The following NFRKB variants were observed in gnomAD, a reference collection of about 807,000 sequenced individuals.
NFRKB encodes nuclear factor related to kappa-B-binding protein.
In NFRKB, 62 loss-of-function variants were observed where a neutral mutation model predicts 135.7. The observed-to-expected ratio is 0.46, with a 90% CI of 0.37 to 0.56. The LOEUF is 0.56. Ranked by LOEUF, NFRKB falls within the 20% of genes least tolerant of loss-of-function variation. The probability of loss-of-function intolerance (pLI) is 0.00; values close to 1 mark genes in which losing one functional copy is unlikely to be tolerated. For synonymous variants in NFRKB, 678 were observed against 635.6 expected (o/e 1.07, Z -1.00); for missense variants, 1,545 against 1,662.0 (o/e 0.93, Z 1.22).
intron 15 of NFRKB, among the ~76,000 whole-genome samples, 153 bp downstream of exon 15, chr11:129,878,156 G>T (rs148861914): frequency 4.0e-3 from 612 of 152,294 alleles, no homozygotes; most frequent in Non-Finnish European, 5.6e-3. Flanking sequence ...CGTTCACTCA[G>T]GGGGTGCGGC....
rs1271444206 is a variant in NFRKB at position 129,894,426 on chromosome 11, C to G, written c.-89G>C. The G allele has an allele frequency of 6.6e-6, 1 of 152,164 alleles. No homozygotes were observed. Among genetic ancestry groups the G allele is most frequent in the Non-Finnish European group, 1.5e-5 (1 of 68,008 alleles). 9.4% of individuals were successfully genotyped at this position (152,164 alleles called of 1,614,324 possible). A position where few individuals can be genotyped will look rare whatever the true frequency, so the allele number is the denominator to read the frequency against. Reference sequence around the variant, plus strand: ...ACCAGGTCCTCCCTCCCGTTATTTCCAATTCTGGAATCCTGCAATGAATAA... The same window carrying G: ...ACCAGGTCCTCCCTCCCGTTATTTCGAATTCTGGAATCCTGCAATGAATAA... On this transcript the variant is annotated 5_prime_UTR_variant, in exon 2 of 27. Transcript: ENST00000682444.
At chr11:129,885,996 T>C (rs61913692) in intron 5 of NFRKB, among the ~76,000 whole-genome samples, 3,008 of 152,334 alleles carry the variant, frequency 0.02, 51 homozygotes, top group Non-Finnish European at 0.031. Flanking sequence ...CCATGCACAC[T>C]TTCATATCCA....
In NFRKB at chr11:129,881,496, C is replaced by T. The variant is rs1466848482; in HGVS notation, c.1331G>A (p.Ser444Asn). 1.2e-6 allele frequency: 2 copies of T among 1,614,122 alleles called. No homozygotes were observed. The highest frequency in any genetic ancestry group is 1.3e-5 in the African/African-American group (1 of 75,016). ...TTTGAATTCAACAAATGGAGAGAAA[C>T]TGGAAGGAACAGCTGCAAGAAATGG... ...LAGESRAVPS[S>N]FSPFVEFKEK... The change falls in exon 13 of 27, where the codon AGT (serine) becomes AAT (asparagine). Residue 444 changes from serine to asparagine, a missense_variant. Around this residue, in one of 3 missense-constraint regions of NFRKB, gnomAD observed 678 missense variants for 646.7 expected, o/e 1.05. Coordinates refer to ENST00000682444, the MANE Select transcript of NFRKB (RefSeq NM_001143835.2).
rs756411242 is a variant in NFRKB at position 129,869,719 on chromosome 11, G to C, written c.3306C>G (p.Gly1102=). The C allele has an allele frequency of 6.2e-7, 1 of 1,614,238 alleles. No individual in the cohort carries two copies. The highest frequency in any genetic ancestry group is 2.2e-5 in the East Asian group (1 of 44,884). The change falls in exon 24 of 27, where the codon GGC becomes GGG. Residue 1102 remains glycine (G), a synonymous_variant. Coordinates refer to ENST00000682444, the MANE Select transcript of NFRKB (RefSeq NM_001143835.2). ...QGLGVMPPKA[G]QTITVATHAK... Reference sequence around the variant, plus strand: ...CGTGGGTTGCAACGGTGATGGTCTGGCCTGCTTTGGGAGGCATCACTCCCA... The same window carrying C: ...CGTGGGTTGCAACGGTGATGGTCTGCCCTGCTTTGGGAGGCATCACTCCCA...
Position 129,874,263 on chromosome 11 carries a change from A to G in NFRKB, c.2129T>C (p.Leu710Pro). ...GGTGGGTGGCATACTGGAGTCACTG[A>G]GGCTCATCTGGCTCTGCTCAGAAGG... is the stretch of plus-strand genomic sequence containing the variant. ...SGPSEQSQMS[L>P]SDSSMPPTPV... Residue 710 changes from leucine (L) to proline (P), a missense_variant, in exon 21 of 27, where the codon CTC becomes CCC. Around this residue, in one of 3 missense-constraint regions of NFRKB, gnomAD observed 753 missense variants for 804.3 expected, o/e 0.94. Transcript: ENST00000682444. This position sits in a 1 kb window ranked among gnomAD's most constrained non-coding sequence, Gnocchi z 4.5. The G allele has an allele frequency of 1.3e-6, 2 of 1,517,194 alleles. No homozygotes were observed. The highest frequency in any genetic ancestry group is 1.8e-6 in the Non-Finnish European group (2 of 1,135,038). 94.0% of individuals were successfully genotyped at this position (1,517,194 alleles called of 1,614,324 possible).
At position 129,881,869 on chromosome 11, in the gene NFRKB, G is replaced by C. The variant is rs115941609; in HGVS notation, c.1192-16C>G. ...GCTCCTCTAGCTGAGGGAAAGCAAA[G>C]GCAGAACCCAGTCAGACTTCTCTTC... On this transcript the variant is annotated splice_polypyrimidine_tract_variant and intron_variant, in intron 11 of 26. Transcript: ENST00000682444. The C allele has an allele frequency of 6.3e-7, 1 of 1,582,818 alleles. No homozygotes were observed. The highest frequency in any genetic ancestry group is 8.6e-7 in the Non-Finnish European group (1 of 1,166,626).
chr11:129,888,122 G>A (rs963764033), intron 4 of NFRKB, among the ~76,000 whole-genome samples: 5 of 152,282 alleles, frequency 3.3e-5, no homozygotes, highest in Admixed American at 1.3e-4. Context: ...GTAACAGGGC[G>A]GTGATGATAT....
Position 129,875,362 on chromosome 11 carries a change from T to G in NFRKB, c.1849A>C (p.Thr617Pro), listed in dbSNP as rs1302687537. The G allele has an allele frequency of 6.2e-7, 1 of 1,610,538 alleles. No individual in the cohort carries two copies. Among genetic ancestry groups the G allele is most frequent in the Non-Finnish European group, 8.5e-7 (1 of 1,177,954 alleles). Reference protein sequence around the residue: ...SQFLAPDVTSTQVNTVVSGAL... With the variant: ...SQFLAPDVTSPQVNTVVSGAL... ...TAATCTCTTCTCCGTCCTACCTGAG[T>G]GCTGGTGACATCTGGTGCAAGAAAC... Residue 617 changes from threonine to proline, a missense_variant, in exon 18 of 27, where the codon ACT (threonine) becomes CCT (proline). Physicochemically the swap from Thr to Pro is conservative, Grantham distance 38. This residue lies in a region of NFRKB where 114 missense variants were observed against 211.0 expected (regional missense o/e 0.54). Coordinates refer to ENST00000682444, the MANE Select transcript of NFRKB (RefSeq NM_001143835.2).
chr11:129,882,220 A>G (rs1416283039), intron 10 of NFRKB, 26 bp from the exon 11 acceptor site: 1 of 1,568,854 alleles, frequency 6.4e-7, no homozygotes, highest in African/African-American at 1.4e-5. Flanking sequence ...AAATATAAGA[A>G]CCAAAAAGAC....
In NFRKB at chr11:129,874,061, T is replaced by G; in HGVS notation, c.2280-46A>C. On this transcript the variant is annotated intron_variant, in intron 21 of 26. Transcript: ENST00000682444. The surrounding 1 kb of genome is among the most constrained non-coding windows in gnomAD (Gnocchi z 4.5). ...AGACAAAAAACAAAAACTTAGGACA[T>G]GCATACAAAAGAACTCTAGAACGAA... is the stretch of plus-strand genomic sequence containing the variant. 1 of 1,597,444 alleles carries G rather than the reference T, an allele frequency of 6.3e-7. No homozygotes were observed. The highest frequency in any genetic ancestry group is 8.6e-7 in the Non-Finnish European group (1 of 1,168,720).
In NFRKB at chr11:129,864,953, C is replaced by T. The variant is rs1352740856; in HGVS notation, c.3774+13G>A. On this transcript the variant is annotated intron_variant, in intron 26 of 26. Coordinates refer to ENST00000682444, the MANE Select transcript of NFRKB (RefSeq NM_001143835.2). ...GGAGCCGGATATGGCCAAGAATTTG[C>T]CCTGGGCCTTACCTGTGTGGCCTGA... The T allele has an allele frequency of 1.2e-6, 2 of 1,612,748 alleles. No individual in the cohort carries two copies. The highest frequency in any genetic ancestry group is 2.2e-5 in the East Asian group (1 of 44,824).
intron 3 of NFRKB, among the ~76,000 whole-genome samples, chr11:129,891,921 G>C (rs1272895807): frequency 6.6e-6 from 1 of 152,172 alleles, no homozygotes; most frequent in Non-Finnish European, 1.5e-5. Flanking sequence ...CACTGGGTCA[G>C]GGAGAGATTA....
intron 13 of NFRKB, 133 bp downstream of exon 13, chr11:129,881,310 A>C (rs930009020): frequency 2.3e-6 from 2 of 867,580 alleles, no homozygotes; most frequent in Non-Finnish European, 3.7e-6. Flanking sequence ...GGACTCCTTC[A>C]CAGAGCAAAA....
At chr11:129,880,727 G>T (rs572801147) in intron 13 of NFRKB, among the ~76,000 whole-genome samples, 90 of 152,164 alleles carry the variant, frequency 5.9e-4, no homozygotes, top group Non-Finnish European at 1.1e-3. Flanking sequence ...TAGGCCCTAC[G>T]AGAGGAGCAC....
chr11:129,879,892 T>C (rs932831931), intron 13 of NFRKB, among the ~76,000 whole-genome samples: 2 of 152,168 alleles, frequency 1.3e-5, no homozygotes, highest in Non-Finnish European at 2.9e-5. Context: ...AATGCAGCTC[T>C]AAAACTAAAG....
chr11:129,894,307 A>C (rs1949681075), intron 2 of NFRKB, 52 bp downstream of exon 2: 1 of 152,234 alleles, frequency 6.6e-6, no homozygotes, highest in Non-Finnish European at 1.5e-5. Context: ...CAGTCAAAAC[A>C]CCAGAATTCC....
At chr11:129,891,148 A>G (rs1949542495) in intron 3 of NFRKB, among the ~76,000 whole-genome samples, 1 of 152,174 alleles carries the variant, frequency 6.6e-6, no homozygotes, top group Non-Finnish European at 1.5e-5. Flanking sequence ...GTGGGACTCA[A>G]TATTATCCTG....
At chr11:129,889,429 T>G (rs541936953) in intron 3 of NFRKB, among the ~76,000 whole-genome samples, 1 of 152,056 alleles carries the variant, frequency 6.6e-6, no homozygotes, top group Non-Finnish European at 1.5e-5. Flanking sequence ...GGTGGACATC[T>G]GAATTCCGCC....
At chr11:129,868,891 A>G (rs186938850) in intron 24 of NFRKB, among the ~76,000 whole-genome samples, 2 of 152,268 alleles carry the variant, frequency 1.3e-5, no homozygotes, top group Non-Finnish European at 2.9e-5. Context: ...GTGATGACAC[A>G]TGCCTGTAGT....
Sources: allele counts gnomAD v4.1 joint callset (sites outside exome capture counted in the v4.1 genomes callset), GRCh38; gene constraint gnomAD v4.1.1; regional missense constraint gnomAD v4.1.1; non-coding constraint Gnocchi (gnomAD v3.1); transcripts MANE v1.5; gene names NCBI Gene and HGNC (gene_info 2026-07-23, HGNC 2026-07-21).